KCNJ3: variants seen among roughly 807,000 people sequenced by gnomAD.
KCNJ3 encodes potassium inwardly rectifying channel subfamily J member 3.
In KCNJ3, 4 loss-of-function variants were observed where a neutral mutation model predicts 39.2. That is an observed-to-expected ratio of 0.10 (90% CI 0.05 to 0.23). The LOEUF is 0.23. Among genes scored for constraint, KCNJ3 ranks in the 10% least tolerant of loss-of-function variants. The probability of loss-of-function intolerance (pLI) is 1.00; values close to 1 mark genes in which losing one functional copy is unlikely to be tolerated. For missense variants in KCNJ3, 276 were observed against 634.9 expected (o/e 0.43, Z 6.08); for synonymous variants, 230 against 237.4 (o/e 0.97, Z 0.29).
At chr2:154,832,280 T>C (rs1382554660) in intron 2 of KCNJ3, among the ~76,000 whole-genome samples, 1 of 152,074 alleles carries the variant, frequency 6.6e-6, no homozygotes, top group Non-Finnish European at 1.5e-5. Context: ...TGAAATCAAA[T>C]GTATGAAAAT....
intron 2 of KCNJ3, among the ~76,000 whole-genome samples, chr2:154,829,166 GGTTT>G (rs1687321025): frequency 6.6e-6 from 1 of 152,044 alleles, no homozygotes; most frequent in Non-Finnish European, 1.5e-5. Flanking sequence ...TACATGCACA[GGTTT>G]GTTATACAGG....
chr2:154,756,494 G>A (rs1419702367), intron 2 of KCNJ3, among the ~76,000 whole-genome samples: 1 of 151,986 alleles, frequency 6.6e-6, no homozygotes, highest in African/African-American at 2.4e-5. Flanking sequence ...GTGTCCTAAT[G>A]TTATCCTTAA....
chr2:154,721,063 A>AT (rs5835537), intron 2 of KCNJ3, among the ~76,000 whole-genome samples: 147,947 of 152,048 alleles, frequency 0.97, 72,112 homozygotes, highest in East Asian at 1. Flanking sequence ...CTTTTAAAAA[A>AT]ATCCTTCATT....
At chr2:154,726,127 A>T (rs1399570133) in intron 2 of KCNJ3, among the ~76,000 whole-genome samples, 1 of 152,170 alleles carries the variant, frequency 6.6e-6, no homozygotes, top group African/African-American at 2.4e-5. Flanking sequence ...AATTAAACCA[A>T]AAAACTTCTT....
intron 2 of KCNJ3, among the ~76,000 whole-genome samples, chr2:154,842,896 G>T (rs551182009): frequency 6.6e-6 from 1 of 152,144 alleles, no homozygotes; most frequent in Non-Finnish European, 1.5e-5. Flanking sequence ...TATCCAACTT[G>T]CCGGTCTGTA....
In KCNJ3 at chr2:154,777,985, G is replaced by A. The variant is rs78106170; in HGVS notation, c.919+68166G>A. Among the ~76,000 whole-genome samples, 52 of 152,262 alleles carry A rather than the reference G, an allele frequency of 3.4e-4. No homozygotes were observed. The East Asian group carries it at 8.9e-3, about 26-fold the overall frequency. ...AGTTTCTGTTTCCTGCTATGCCAGAGTAGTGGATATTCCCTAGCTAGCTTA... is the reference window on the plus strand; with the variant it reads ...AGTTTCTGTTTCCTGCTATGCCAGAATAGTGGATATTCCCTAGCTAGCTTA... On this transcript the variant is annotated intron_variant, in intron 2 of 2. Coordinates refer to ENST00000295101, the MANE Select transcript of KCNJ3 (RefSeq NM_002239.4).
At chr2:154,729,420 T>C (rs1685415116) in intron 2 of KCNJ3, among the ~76,000 whole-genome samples, 1 of 152,204 alleles carries the variant, frequency 6.6e-6, no homozygotes, top group Non-Finnish European at 1.5e-5. Flanking sequence ...GCCACAGTCA[T>C]TTAATTAAGT....
intron 2 of KCNJ3, among the ~76,000 whole-genome samples, chr2:154,801,250 G>A (rs949058970): frequency 6.6e-6 from 1 of 152,134 alleles, no homozygotes; most frequent in African/African-American, 2.4e-5. Flanking sequence ...ATGAGTGAAT[G>A]GAGGTTAATA....
At chr2:154,844,738 G>A (rs1476620957) in intron 2 of KCNJ3, among the ~76,000 whole-genome samples, 1 of 152,220 alleles carries the variant, frequency 6.6e-6, no homozygotes, top group Non-Finnish European at 1.5e-5. Context: ...CTCCGTGGGT[G>A]TGGAACCCTC....
chr2:154,755,864 G>A (rs1574449481), intron 2 of KCNJ3, among the ~76,000 whole-genome samples: 1 of 151,980 alleles, frequency 6.6e-6, no homozygotes, highest in Non-Finnish European at 1.5e-5. Context: ...TTCTGATATT[G>A]TTACTTAATA....
chr2:154,789,781 C>T (rs1477465206), intron 2 of KCNJ3, among the ~76,000 whole-genome samples: 1 of 151,760 alleles, frequency 6.6e-6, no homozygotes, highest in Non-Finnish European at 1.5e-5. Context: ...AAATACTTGC[C>T]TAGGAAAGGC....
chr2:154,782,524 G>GCA (rs969824913), intron 2 of KCNJ3, among the ~76,000 whole-genome samples: 14 of 78,308 alleles, frequency 1.8e-4, no homozygotes, highest in South Asian at 4.4e-4. Context: ...CAACATACAG[G>GCA]CACACACACA....
intron 2 of KCNJ3, among the ~76,000 whole-genome samples, chr2:154,725,766 A>C (rs1355678718): frequency 6.6e-6 from 1 of 152,198 alleles, no homozygotes; most frequent in African/African-American, 2.4e-5. Flanking sequence ...CACATAGACC[A>C]ATGGAACAGA....
chr2:154,791,004 C>G (rs966360748), intron 2 of KCNJ3, among the ~76,000 whole-genome samples: 5 of 152,040 alleles, frequency 3.3e-5, no homozygotes, highest in Admixed American at 3.3e-4. Context: ...CATTTGTCCT[C>G]CTTCTCTCCC....
At chr2:154,816,447 G>A (rs1465651715) in intron 2 of KCNJ3, among the ~76,000 whole-genome samples, 2 of 152,072 alleles carry the variant, frequency 1.3e-5, no homozygotes, top group African/African-American at 4.8e-5. Context: ...GCTATGTCAC[G>A]TAGTATAGTA....
In KCNJ3 at chr2:154,717,918, A is replaced by G. The variant is rs370980635; in HGVS notation, c.919+8099A>G. 1.1e-3 allele frequency among the ~76,000 whole-genome samples: 168 copies of G among 152,338 alleles called. 1 individual carries two copies. The South Asian group carries it at 0.029, about 27-fold the overall frequency. On this transcript the variant is annotated intron_variant, in intron 2 of 2. Transcript: ENST00000295101. ...TAAGTGAGGTAGTACTCTACTGACC[A>G]TTGGAAATGTTATTTATCCTTCGTA...
chr2:154,751,692 C>T (rs556499660), intron 2 of KCNJ3, among the ~76,000 whole-genome samples: 5 of 151,990 alleles, frequency 3.3e-5, no homozygotes, highest in South Asian at 2.1e-4. Context: ...AATAAAGTAC[C>T]GAACAAGGTG....
intron 2 of KCNJ3, among the ~76,000 whole-genome samples, chr2:154,838,940 T>G (rs1687519988): frequency 2.0e-5 from 3 of 149,460 alleles, no homozygotes; most frequent in African/African-American, 7.7e-5. Flanking sequence ...CTAGAAATTT[T>G]TATGTATGTA....
chr2:154,831,728 T>C (rs1381338804), intron 2 of KCNJ3, among the ~76,000 whole-genome samples: 4 of 152,234 alleles, frequency 2.6e-5, no homozygotes, highest in Non-Finnish European at 5.9e-5. Flanking sequence ...TATTTTTAAC[T>C]GTACATGCAG....
Sources: gnomAD v4.1 joint callset for allele counts (sites outside exome capture counted in the v4.1 genomes callset) on GRCh38, gnomAD v4.1.1 for gene constraint, MANE v1.5 for transcripts, NCBI Gene and HGNC (gene_info 2026-07-23, HGNC 2026-07-21) for gene names.